Variants in MAP2 observed in about 807,000 individuals in gnomAD.
The protein encoded by MAP2 is microtubule-associated protein 2.
MAP2 carries 14 observed loss-of-function variants against 137.6 expected under a neutral mutation model. The ratio of observed to expected loss-of-function variants is 0.10; its 90% confidence interval spans 0.07 to 0.16. The LOEUF (loss-of-function observed/expected upper bound fraction) is 0.16. Ranked by LOEUF, MAP2 falls within the 10% of genes least tolerant of loss-of-function variation. The pLI is 1.00. For missense variants in MAP2, 2,088 were observed against 2,191.5 expected (o/e 0.95, Z 0.94); for synonymous variants, 786 against 782.3 (o/e 1.00, Z -0.08).
At chr2:209,544,434 A>T (rs1044676951) in intron 2 of MAP2, among the ~76,000 whole-genome samples, 2 of 152,152 alleles carry the variant, frequency 1.3e-5, no homozygotes, top group Non-Finnish European at 2.9e-5. Flanking sequence ...TATCTATGAT[A>T]TAATTTTATT....
At chr2:209,717,821 T>C (rs2153792322) in intron 13 of MAP2, among the ~76,000 whole-genome samples, 1 of 151,796 alleles carries the variant, frequency 6.6e-6, no homozygotes, top group South Asian at 2.1e-4. Context: ...AAAAAGGAGG[T>C]TTTTTGTTTT....
Position 209,710,029 on chromosome 2 carries a change from T to C in MAP2, c.4848T>C (p.Thr1616=). 1 of 1,614,016 alleles carries C rather than the reference T, an allele frequency of 6.2e-7. No homozygotes were observed. Among genetic ancestry groups the C allele is most frequent in the South Asian group, 1.1e-5 (1 of 91,062 alleles). ...PPSYSSRTPG[T]PGTPSYPRTP... ...GTTATTCTTCACGCACACCAGGCAC[T>C]CCTGGAACCCCTAGCTATCCCAGGA... The change falls in exon 13 of 16, where the codon ACT becomes ACC. Residue 1616 remains threonine (T), a synonymous_variant. Coordinates refer to ENST00000682079, the MANE Select transcript of MAP2 (RefSeq NM_001375505.1).
intron 1 of MAP2, among the ~76,000 whole-genome samples, chr2:209,442,513 G>A (rs558079281): frequency 6.6e-6 from 1 of 151,670 alleles, no homozygotes; most frequent in Non-Finnish European, 1.5e-5. Flanking sequence ...TTAAATTTTG[G>A]CATTATCTCC....
At chr2:209,680,167 A>G (rs1488074645) in intron 6 of MAP2, among the ~76,000 whole-genome samples, 1 of 152,174 alleles carries the variant, frequency 6.6e-6, no homozygotes, top group Non-Finnish European at 1.5e-5. Context: ...TTTGTCTGAA[A>G]GTTCACTCAG....
rs534228388 is a variant in MAP2, at chr2:209,732,746, A to T, written c.*2349A>T. ...CATTCTGCATACTAGAAGTCAGTTTATTACAAATACATGTCAAAAATAAAG... is the reference window on the plus strand; with the variant it reads ...CATTCTGCATACTAGAAGTCAGTTTTTTACAAATACATGTCAAAAATAAAG... On this transcript the variant is annotated 3_prime_UTR_variant, in exon 16 of 16. Coordinates refer to ENST00000682079, the MANE Select transcript of MAP2 (RefSeq NM_001375505.1). The T allele has an allele frequency of 6.5e-6, 1 of 152,778 alleles. No homozygotes were observed. The highest frequency in any genetic ancestry group is 1.9e-4 in the East Asian group (1 of 5,190). The allele number at this position is 152,778 out of a possible 1,614,324, so 9.5% of individuals were successfully genotyped here.
At chr2:209,616,171 G>A (rs995269901) in intron 3 of MAP2, among the ~76,000 whole-genome samples, 30 of 150,714 alleles carry the variant, frequency 2.0e-4, no homozygotes, top group Admixed American at 1.6e-3. Flanking sequence ...CTATAACACA[G>A]CTATAACCAG....
rs766970918 is a variant in MAP2, at chr2:209,653,250, A to C, written c.80A>C (p.His27Pro). 1.9e-6 allele frequency: 3 copies of C among 1,614,070 alleles called. No homozygotes were observed. The South Asian group carries it at 3.3e-5, about 18-fold the overall frequency. ...APLTEASAHS[H>P]PPEIKDQGGA... ...CTAACAGAGGCATCTGCACACTCAC[A>C]TCCACCTGAGATTAAGGATCAAGGC... Residue 27 changes from histidine to proline, a missense_variant, in exon 5 of 16, where the codon CAT becomes CCT. Physicochemically the swap from His to Pro is moderately conservative, Grantham distance 77 (BLOSUM62 -2). Around this residue, in one of 6 missense-constraint regions of MAP2, gnomAD observed 859 missense variants for 794.5 expected, o/e 1.08. Transcript: ENST00000682079.
chr2:209,631,023 AAAAAAAAAAAAAG>A (rs949825700), intron 4 of MAP2, among the ~76,000 whole-genome samples: 3 of 141,842 alleles, frequency 2.1e-5, no homozygotes, highest in African/African-American at 2.6e-5. Flanking sequence ...AAAAAAAAAA[AAAAAAAAAAAAAG>A]AGAGAGAGAG....
intron 1 of MAP2, among the ~76,000 whole-genome samples, chr2:209,463,255 G>C (rs1703303523): frequency 6.6e-6 from 1 of 151,908 alleles, no homozygotes; most frequent in African/African-American, 2.4e-5. Flanking sequence ...TTAATAATAT[G>C]GTCTTTTAAA....
Position 209,653,275 on chromosome 2 carries a change from C to A in MAP2, c.105C>A (p.Gly35=). ...ATCCACCTGAGATTAAGGATCAAGG[C>A]GGAGCAGGGGAAGGACTTGTCCGAA... ...HSHPPEIKDQ[G]GAGEGLVRSA... The change falls in exon 5 of 16, where the codon GGC becomes GGA. Residue 35 remains glycine, a synonymous_variant. Transcript: ENST00000682079. 6.2e-7 allele frequency: 1 copy of A among 1,614,064 alleles called. No individual in the cohort carries two copies. Among genetic ancestry groups the A allele is most frequent in the Non-Finnish European group, 8.5e-7 (1 of 1,179,998 alleles).
chr2:209,668,785 T>G (rs2047463243), intron 5 of MAP2, among the ~76,000 whole-genome samples: 1 of 152,080 alleles, frequency 6.6e-6, no homozygotes, highest in East Asian at 1.9e-4. Context: ...GGGTTGTGGC[T>G]GAGCTTTTAT....
intron 1 of MAP2, among the ~76,000 whole-genome samples, chr2:209,435,781 C>T (rs1695779155): frequency 1.3e-5 from 2 of 150,584 alleles, no homozygotes; most frequent in South Asian, 4.2e-4. Context: ...TTTTCACATA[C>T]AATTAAGAAA....
chr2:209,494,420 T>G (rs961703269), intron 1 of MAP2, among the ~76,000 whole-genome samples: 1 of 149,666 alleles, frequency 6.7e-6, no homozygotes, highest in Non-Finnish European at 1.5e-5. Context: ...ATCCCAAAAC[T>G]TAAAGTATAA....
In MAP2 at chr2:209,487,493, G is replaced by A. The variant is rs2058534408; in HGVS notation, c.-221-20099G>A. 2.0e-5 allele frequency among the ~76,000 whole-genome samples: 3 copies of A among 152,176 alleles called. No individual in the cohort carries two copies. The South Asian group carries it at 6.2e-4, about 32-fold the overall frequency. ...TAATCTTAAAAGCACCCCAATGTTA[G>A]ACACAGCTGCCTGCCTGACATGTGC... On this transcript the variant is annotated intron_variant, in intron 1 of 15. Transcript: ENST00000682079.
At chr2:209,638,902 A>G (rs890972005) in intron 4 of MAP2, among the ~76,000 whole-genome samples, 1 of 152,194 alleles carries the variant, frequency 6.6e-6, no homozygotes, top group South Asian at 2.1e-4. Flanking sequence ...ATTGAATAAG[A>G]TACTAGAAAC....
chr2:209,729,374 C>T (rs2239553), intron 14 of MAP2, among the ~76,000 whole-genome samples: 2 of 152,092 alleles, frequency 1.3e-5, no homozygotes, highest in Non-Finnish European at 2.9e-5. Flanking sequence ...GAATATATTG[C>T]CCACATGTGC....
At chr2:209,674,707 A>G (rs2050485935) in intron 5 of MAP2, among the ~76,000 whole-genome samples, 1 of 151,850 alleles carries the variant, frequency 6.6e-6, no homozygotes, top group African/African-American at 2.4e-5. Flanking sequence ...AATTACATAT[A>G]TAATCACACA....
chr2:209,594,069 G>T lies in MAP2; in HGVS notation c.-107+13969G>T, dbSNP rs552619059. Among the ~76,000 whole-genome samples, 36 of 143,482 alleles carry T rather than the reference G, an allele frequency of 2.5e-4. No homozygotes were observed. The South Asian group carries it at 3.9e-3, about 16-fold the overall frequency. 94.1% of individuals were successfully genotyped at this position (143,482 alleles called of 152,430 possible). On this transcript the variant is annotated intron_variant, in intron 3 of 15. Transcript: ENST00000682079. ...AGGCTGATACGAGAGGATCACTGGA[G>T]CCCAGGAGTTCAAGGCTGCAGTGAG...
At position 209,648,915 on chromosome 2, in the gene MAP2, T is replaced by C. The variant is rs147996251; in HGVS notation, c.-29-4227T>C. ...AGGAGCAGTTAAGATCTGTGATCTTTTGCAATTTGGAGAGTTTCCCATTGT... is the reference window on the plus strand; with the variant it reads ...AGGAGCAGTTAAGATCTGTGATCTTCTGCAATTTGGAGAGTTTCCCATTGT... On this transcript the variant is annotated intron_variant, in intron 4 of 15. Coordinates refer to ENST00000682079, the MANE Select transcript of MAP2 (RefSeq NM_001375505.1). 2.7e-3 allele frequency among the ~76,000 whole-genome samples: 418 copies of C among 152,290 alleles called. 1 individual carries two copies. The highest frequency in any genetic ancestry group is 9.4e-3 in the African/African-American group (391 of 41,558).
Sources: gnomAD v4.1 joint callset for allele counts (sites outside exome capture counted in the v4.1 genomes callset) on GRCh38, gnomAD v4.1.1 for gene constraint, gnomAD v4.1.1 regional missense constraint, MANE v1.5 for transcripts, NCBI Gene and HGNC (gene_info 2026-07-23, HGNC 2026-07-21) for gene names.